The following KIF16B variants were observed in gnomAD, a reference collection of about 807,000 sequenced individuals.
KIF16B encodes kinesin family member 16B.
Under a neutral mutation model 156.3 loss-of-function variants are expected in KIF16B, and 98 were observed. The ratio of observed to expected loss-of-function variants is 0.63; its 90% CI spans 0.53 to 0.74. The LOEUF (loss-of-function observed/expected upper bound fraction) is 0.74, where lower values mean the gene tolerates loss of function less well. Among genes scored for constraint, KIF16B ranks in the 30% least tolerant of loss-of-function variants. KIF16B has a pLI of 0.00. For synonymous variants in KIF16B, 564 were observed against 583.7 expected (o/e 0.97, Z 0.49); for missense variants, 1,421 against 1,606.5 (o/e 0.88, Z 1.97).
chr20:16,345,675 T>G (rs1330063292), intron 23 of KIF16B, among the ~76,000 whole-genome samples: 1 of 152,164 alleles, frequency 6.6e-6, no homozygotes, highest in East Asian at 1.9e-4. Flanking sequence ...AAACAACAGA[T>G]AGTCTCTAAA....
Position 16,272,360 on chromosome 20 carries a change from C to A in KIF16B, c.*893G>T, listed in dbSNP as rs2062997534. ...ACAGAAGTGCAATGCTACATTAAGT[C>A]CTGAGTAATTTAAGGTATCATTAAT... On this transcript the variant is annotated 3_prime_UTR_variant, in exon 26 of 26. Transcript: ENST00000354981. 1 of 152,536 alleles carries A rather than the reference C, an allele frequency of 6.6e-6. No individual in the cohort carries two copies. The highest frequency in any genetic ancestry group is 2.4e-5 in the African/African-American group (1 of 41,420). 9.4% of individuals were successfully genotyped at this position (152,536 alleles called of 1,614,324 possible). A position where few individuals can be genotyped will look rare whatever the true frequency, so the allele number is the denominator to read the frequency against.
At chr20:16,414,053 A>G (rs1316961876) in intron 15 of KIF16B, among the ~76,000 whole-genome samples, 1 of 152,114 alleles carries the variant, frequency 6.6e-6, no homozygotes, top group African/African-American at 2.4e-5. Context: ...ATAAGAAAAC[A>G]TCTAATTTCC....
intron 4 of KIF16B, among the ~76,000 whole-genome samples, chr20:16,513,238 T>TAA (rs76079246): frequency 7.9e-5 from 12 of 152,002 alleles, no homozygotes; most frequent in Admixed American, 7.9e-4. Context: ...CAATAAATGT[T>TAA]AAAAATACAT....
intron 1 of KIF16B, among the ~76,000 whole-genome samples, chr20:16,568,852 A>AAAAAT (rs778489976): frequency 8.5e-6 from 1 of 118,044 alleles, no homozygotes; most frequent in Non-Finnish European, 1.7e-5. Flanking sequence ...AAAAAAAAAA[A>AAAAAT]GGCATAGCTG....
At chr20:16,327,045 A>G (rs2063865033) in intron 24 of KIF16B, among the ~76,000 whole-genome samples, 1 of 136,102 alleles carries the variant, frequency 7.3e-6, no homozygotes, top group African/African-American at 2.8e-5. Context: ...ACACACATAT[A>G]TATGTATGTA....
intron 22 of KIF16B, chr20:16,367,568 C>T (rs776036457): frequency 1.2e-6 from 2 of 1,612,882 alleles, no homozygotes; most frequent in Admixed American, 1.7e-5. Context: ...ATGACTTTCA[C>T]TGTTGTGTAG....
intron 12 of KIF16B, among the ~76,000 whole-genome samples, chr20:16,488,703 T>C (rs1247612191): frequency 6.6e-6 from 1 of 152,138 alleles, no homozygotes; most frequent in African/African-American, 2.4e-5. Flanking sequence ...GGGAAACCGA[T>C]ATGAAGGGTC....
chr20:16,312,505 C>T, intron 24 of KIF16B, 87 bp from the exon 25 acceptor site: 1 of 1,021,390 alleles, frequency 9.8e-7, no homozygotes, highest in Non-Finnish European at 1.5e-6. Flanking sequence ...AAATCTCTTC[C>T]ATGGGGTGAA....
chr20:16,515,270 G>A (rs1333403289), intron 4 of KIF16B, among the ~76,000 whole-genome samples: 1 of 151,836 alleles, frequency 6.6e-6, no homozygotes, highest in Non-Finnish European at 1.5e-5. Flanking sequence ...ATTACTTACG[G>A]GCCCAACACA....
chr20:16,458,638 C>T (rs1042527351), intron 12 of KIF16B, among the ~76,000 whole-genome samples: 1 of 151,874 alleles, frequency 6.6e-6, no homozygotes, highest in African/African-American at 2.4e-5. Context: ...TTCTAGTCAA[C>T]ATAGGACTAC....
At chr20:16,287,979 C>T (rs2063250719) in intron 25 of KIF16B, among the ~76,000 whole-genome samples, 1 of 152,194 alleles carries the variant, frequency 6.6e-6, no homozygotes, top group Non-Finnish European at 1.5e-5. Flanking sequence ...GGATGCTGGG[C>T]AAGGAGCCCA....
chr20:16,456,047 C>A (rs905652404), intron 12 of KIF16B, among the ~76,000 whole-genome samples: 1 of 151,982 alleles, frequency 6.6e-6, no homozygotes, highest in African/African-American at 2.4e-5. Flanking sequence ...TCCTTCAATA[C>A]GGTATTTTTC....
At chr20:16,326,695 A>C (rs1296693440) in intron 24 of KIF16B, among the ~76,000 whole-genome samples, 1 of 151,994 alleles carries the variant, frequency 6.6e-6, no homozygotes, top group African/African-American at 2.4e-5. Flanking sequence ...TGGATGTGGT[A>C]AAAAGGGAAC....
chr20:16,476,111 A>AGTTTGT (rs779709349), intron 12 of KIF16B, among the ~76,000 whole-genome samples: 17,026 of 152,278 alleles, frequency 0.11, 1,173 homozygotes, highest in Non-Finnish European at 0.16. Flanking sequence ...AGGGCCCTGC[A>AGTTTGT]ACAAATACAA....
chr20:16,484,031 T>G (rs6034497), intron 12 of KIF16B, among the ~76,000 whole-genome samples: 2 of 151,984 alleles, frequency 1.3e-5, no homozygotes, highest in Non-Finnish European at 2.9e-5. Context: ...TTTTCCTCTC[T>G]GACCGTAGCA....
intron 17 of KIF16B, among the ~76,000 whole-genome samples, chr20:16,402,200 A>T (rs1206422676): frequency 5.3e-5 from 8 of 152,122 alleles, no homozygotes; most frequent in African/African-American, 1.9e-4. Context: ...TTTTCTCTCC[A>T]TACAAGTCTT....
rs187737113 is a variant in KIF16B at position 16,390,198 on chromosome 20, A to C, written c.1785-8451T>G. ...CAAATTGCTGGTCTAGAAGGTACTCACTAAAGACTTTCCAAGGAGCCAGTC... is the reference window on the plus strand; with the variant it reads ...CAAATTGCTGGTCTAGAAGGTACTCCCTAAAGACTTTCCAAGGAGCCAGTC... On this transcript the variant is annotated intron_variant, in intron 17 of 25. Transcript: ENST00000354981. Among the ~76,000 whole-genome samples the C allele has an allele frequency of 3.2e-3, 485 of 152,364 alleles. 1 individual carries two copies. The highest frequency in any genetic ancestry group is 0.017 in the Middle Eastern group (5 of 294).
intron 25 of KIF16B, among the ~76,000 whole-genome samples, chr20:16,309,111 A>G (rs1488578840): frequency 1.3e-5 from 2 of 152,176 alleles, no homozygotes; most frequent in Admixed American, 1.3e-4. Flanking sequence ...CCACATTAGA[A>G]ATCTTCAAAG....
chr20:16,459,024 C>T (rs1038248334), intron 12 of KIF16B, among the ~76,000 whole-genome samples: 3 of 152,168 alleles, frequency 2.0e-5, no homozygotes, highest in African/African-American at 7.2e-5. Context: ...TTAGAACTTG[C>T]ATTGAACAAA....
Sources: gnomAD v4.1 joint callset for allele counts (sites outside exome capture counted in the v4.1 genomes callset) on GRCh38, gnomAD v4.1.1 for gene constraint, MANE v1.5 for transcripts, NCBI Gene and HGNC (gene_info 2026-07-23, HGNC 2026-07-21) for gene names.